Variants in PDE4B observed in about 807,000 individuals in gnomAD.
PDE4B encodes phosphodiesterase 4B.
In PDE4B, 20 loss-of-function variants were observed where a neutral mutation model predicts 82.2. That is an observed-to-expected ratio of 0.24 (90% CI 0.17 to 0.35). PDE4B has a LOEUF of 0.35. Among genes scored for constraint, PDE4B ranks in the 10% least tolerant of loss-of-function variants. The pLI, the probability that PDE4B is intolerant of heterozygous loss-of-function variation, is 1.00. For missense variants in PDE4B, 655 were observed against 907.2 expected (o/e 0.72, Z 3.57); for synonymous variants, 320 against 318.9 (o/e 1.00, Z -0.04).
Position 65,918,658 on chromosome 1 carries a change from T to C in PDE4B, c.104T>C (p.Leu35Pro). Reference sequence around the variant, plus strand: ...TCCTACAGTTCTTCCAGTAACACACTTGGGATCGACCTCTGGAGAGGGAGA... The same window carrying C: ...TCCTACAGTTCTTCCAGTAACACACCTGGGATCGACCTCTGGAGAGGGAGA... ...SKSYSSSSNTLGIDLWRGRRC... is the reference protein window; with the variant it reads ...SKSYSSSSNTPGIDLWRGRRC... The change falls in exon 3 of 17, where the codon CTT (leucine) becomes CCT (proline). Residue 35 changes from leucine to proline, a missense_variant. By Grantham distance (98) the Leu-to-Pro change is moderately conservative (BLOSUM62 -3). Transcript: ENST00000341517. The C allele has an allele frequency of 1.9e-6, 3 of 1,613,902 alleles. No homozygotes were observed. Among genetic ancestry groups the C allele is most frequent in the African/African-American group, 1.3e-5 (1 of 75,032 alleles).
intron 7 of PDE4B, among the ~76,000 whole-genome samples, chr1:66,302,758 T>C (rs77518101): frequency 6.6e-6 from 1 of 152,186 alleles, no homozygotes; most frequent in South Asian, 2.1e-4. Flanking sequence ...ACATCAGAGA[T>C]TGATTAGAAT....
intron 1 of PDE4B, among the ~76,000 whole-genome samples, chr1:65,902,783 A>C (rs964363567): frequency 6.6e-6 from 1 of 152,202 alleles, no homozygotes; most frequent in Admixed American, 6.6e-5. Flanking sequence ...ATTCATAAAT[A>C]AGATTTTGGT....
At position 65,913,247 on chromosome 1, in the gene PDE4B, A is replaced by AT. The variant is rs1647117256; in HGVS notation, c.-66dup. 5.8e-6 allele frequency: 8 copies of AT among 1,380,752 alleles called. No homozygotes were observed. Among genetic ancestry groups the AT allele is most frequent in the South Asian group, 1.2e-5 (1 of 85,828 alleles). The allele number at this position is 1,380,752 out of a possible 1,614,324, so 85.5% of individuals were successfully genotyped here. A position where few individuals can be genotyped will look rare whatever the true frequency, so the allele number is the denominator to read the frequency against. On this transcript the variant is annotated 5_prime_UTR_variant, in exon 2 of 17. An upstream open reading frame in the 5' UTR loses its in-frame stop. Transcript: ENST00000341517. ...TTGTGTGTTTTTTTCTCCTGTAGGT[A>AT]TTAAAAAGTGTCAGCAAACTGCATT...
intron 3 of PDE4B, among the ~76,000 whole-genome samples, chr1:66,194,243 C>T (rs575885432): frequency 2.8e-4 from 43 of 152,206 alleles, no homozygotes; most frequent in African/African-American, 1.0e-3. Context: ...TTACCTTTTG[C>T]ACATATGGCT....
At chr1:66,214,568 T>A (rs182808412) in intron 3 of PDE4B, among the ~76,000 whole-genome samples, 10 of 152,312 alleles carry the variant, frequency 6.6e-5, no homozygotes, top group Non-Finnish European at 1.3e-4. Context: ...GTATTTTAGA[T>A]TTGATGAAAT....
At chr1:66,151,075 CTTT>C (rs1050629021) in intron 3 of PDE4B, among the ~76,000 whole-genome samples, 6 of 151,990 alleles carry the variant, frequency 3.9e-5, no homozygotes, top group African/African-American at 1.5e-4. Flanking sequence ...GTTTCCTCTT[CTTT>C]TATTTGTTGA....
chr1:66,216,449 A>G (rs961131623), intron 3 of PDE4B, among the ~76,000 whole-genome samples: 1 of 152,172 alleles, frequency 6.6e-6, no homozygotes, highest in Non-Finnish European at 1.5e-5. Flanking sequence ...CAGTTTTGTT[A>G]TAAAGAGGTA....
intron 3 of PDE4B, among the ~76,000 whole-genome samples, chr1:66,222,669 C>T (rs750851645): frequency 2.0e-5 from 3 of 152,192 alleles, no homozygotes; most frequent in African/African-American, 4.8e-5. Context: ...TCTGATCATT[C>T]GTTTCCTCAT....
intron 1 of PDE4B, among the ~76,000 whole-genome samples, chr1:65,885,431 A>G (rs1159543321): frequency 6.6e-6 from 1 of 152,160 alleles, no homozygotes; most frequent in Non-Finnish European, 1.5e-5. Flanking sequence ...TTGCAGCACT[A>G]TTCACAATAG....
intron 3 of PDE4B, among the ~76,000 whole-genome samples, chr1:66,220,076 G>A (rs563566925): frequency 3.9e-4 from 60 of 152,170 alleles, no homozygotes; most frequent in African/African-American, 1.4e-3. Context: ...CCAAGAGCTG[G>A]AAAAAGCTAC....
In PDE4B at chr1:65,866,432, CTT is replaced by C. The variant is rs372293571; in HGVS notation, c.-70-46810_-70-46809del. 7.8e-4 allele frequency among the ~76,000 whole-genome samples: 119 copies of C among 152,226 alleles called. No individual in the cohort carries two copies. The East Asian group carries it at 0.019, about 24-fold the overall frequency. Reference sequence around the variant, plus strand: ...AAGATTAAAGCAATTTCCCCAGAAACTTTTAAAAAAATAAAGTCAGCAACAAC... The same window carrying C: ...AAGATTAAAGCAATTTCCCCAGAAACTTAAAAAAATAAAGTCAGCAACAAC... On this transcript the variant is annotated intron_variant, in intron 1 of 16. Coordinates refer to ENST00000341517, the MANE Select transcript of PDE4B (RefSeq NM_002600.4).
chr1:66,204,847 C>T (rs915044670), intron 3 of PDE4B, among the ~76,000 whole-genome samples: 7 of 152,152 alleles, frequency 4.6e-5, no homozygotes, highest in African/African-American at 1.7e-4. Context: ...TGTGCTGCAC[C>T]CACTCTTCTG....
intron 3 of PDE4B, among the ~76,000 whole-genome samples, chr1:66,164,620 C>G (rs953436920): frequency 1.2e-4 from 18 of 149,492 alleles, no homozygotes; most frequent in Non-Finnish European, 4.4e-5. Context: ...CTATTATAGG[C>G]AGTAGGGCAT....
intron 8 of PDE4B, among the ~76,000 whole-genome samples, chr1:66,337,155 C>T (rs1406907129): frequency 1.3e-5 from 2 of 152,238 alleles, no homozygotes; most frequent in Non-Finnish European, 2.9e-5. Flanking sequence ...ATTCATGCCA[C>T]TTTTGCCTAA....
At chr1:65,883,891 C>G (rs1287230379) in intron 1 of PDE4B, among the ~76,000 whole-genome samples, 1 of 152,048 alleles carries the variant, frequency 6.6e-6, no homozygotes, top group East Asian at 1.9e-4. Context: ...TGTCAAAGGC[C>G]TTTTCTGCAT....
intron 7 of PDE4B, among the ~76,000 whole-genome samples, chr1:66,267,705 C>A (rs987655845): frequency 6.6e-6 from 1 of 152,038 alleles, no homozygotes; most frequent in African/African-American, 2.4e-5. Context: ...GTCTCTGTGG[C>A]AAACTACAAA....
chr1:66,301,712 A>G lies in PDE4B; in HGVS notation c.635-30796A>G, dbSNP rs17128771. ...AATACTAAAGTTCATTTTAAATACT[A>G]CCTAAACTAGGTCATGAATTCATCC... is the stretch of plus-strand genomic sequence containing the variant. On this transcript the variant is annotated intron_variant, in intron 7 of 16. Transcript: ENST00000341517. 7.3e-3 allele frequency among the ~76,000 whole-genome samples: 1,113 copies of G among 152,220 alleles called. 40 individuals are homozygous for G. In the East Asian group the frequency reaches 0.11, roughly 15 times the overall value.
At chr1:66,331,765 G>A in intron 7 of PDE4B, 1 of 985,396 alleles carries the variant, frequency 1.0e-6, no homozygotes, top group Non-Finnish European at 1.2e-6. Context: ...TATAACAAGA[G>A]CTGCAGGACT....
At chr1:65,865,817 T>C (rs1646504826) in intron 1 of PDE4B, among the ~76,000 whole-genome samples, 2 of 151,564 alleles carry the variant, frequency 1.3e-5, no homozygotes, top group Admixed American at 1.3e-4. Flanking sequence ...CTGGAGCCGT[T>C]TTTATTCGGC....
Sources: gnomAD v4.1 joint callset for allele counts (sites outside exome capture counted in the v4.1 genomes callset) on GRCh38, gnomAD v4.1.1 for gene constraint, MANE v1.5 for transcripts, NCBI Gene and HGNC (gene_info 2026-07-23, HGNC 2026-07-21) for gene names.